The following CUBN variants were observed in gnomAD, a reference collection of about 807,000 sequenced individuals.
CUBN encodes the protein 460 kDa receptor.
Under a neutral mutation model 405.3 loss-of-function variants are expected in CUBN, and 282 were observed. The observed-to-expected ratio is 0.70, with a 90% CI of 0.63 to 0.77. The LOEUF (loss-of-function observed/expected upper bound fraction) is 0.77, where lower values mean the gene tolerates loss of function less well. CUBN is among the 30% of genes least tolerant of loss of function. The probability of loss-of-function intolerance (pLI) is 0.00; values close to 1 mark genes in which losing one functional copy is unlikely to be tolerated. For missense variants in CUBN, 4,514 were observed against 4,475.2 expected (o/e 1.01, Z -0.25); for synonymous variants, 1,684 against 1,617.0 (o/e 1.04, Z -0.99).
chr10:16,903,412 G>A lies in CUBN; in HGVS notation c.8062+554C>T, dbSNP rs558790530. Among the ~76,000 whole-genome samples, 59 of 151,988 alleles carry A rather than the reference G, an allele frequency of 3.9e-4. 6 individuals are homozygous for A. The South Asian group carries it at 7.3e-3, about 19-fold the overall frequency. On this transcript the variant is annotated intron_variant, in intron 51 of 66. Coordinates refer to ENST00000377833, the MANE Select transcript of CUBN (RefSeq NM_001081.4). Reference sequence around the variant, plus strand: ...TCCTTCTGTTCAATATTCGATGGTGGCCCTAGCTAGCAAAAGGATGCAAGA... The same window carrying A: ...TCCTTCTGTTCAATATTCGATGGTGACCCTAGCTAGCAAAAGGATGCAAGA...
intron 27 of CUBN, among the ~76,000 whole-genome samples, chr10:17,025,480 G>A (rs528788694): frequency 2.2e-4 from 34 of 152,118 alleles, no homozygotes; most frequent in Non-Finnish European, 3.7e-4. Context: ...CACCATAATG[G>A]TACTTATCTC....
chr10:16,842,992 T>G (rs1839399550), intron 60 of CUBN, among the ~76,000 whole-genome samples: 1 of 152,228 alleles, frequency 6.6e-6, no homozygotes, highest in African/African-American at 2.4e-5. Context: ...CCAATGCTAT[T>G]GAATGTTGCC....
rs140117869 is a variant in CUBN, at chr10:16,925,682, C to T, written c.6364G>A (p.Val2122Ile). Residue 2122 changes from valine (V) to isoleucine (I), a missense_variant, in exon 42 of 67, where the codon GTC becomes ATC. Physicochemically the swap from Val to Ile is conservative, Grantham distance 29. Transcript: ENST00000377833. Reference sequence around the variant, plus strand: ...ATGGTCAGGCCACTTTGGACCAGGACGTGCCAAGAACAGTTGAGGTTGGAT... The same window carrying T: ...ATGGTCAGGCCACTTTGGACCAGGATGTGCCAAGAACAGTTGAGGTTGGAT... ...YPSNLNCSWHVLVQSGLTIAV... is the reference protein window; with the variant it reads ...YPSNLNCSWHILVQSGLTIAV... 141 of 1,614,006 alleles carry T rather than the reference C, an allele frequency of 8.7e-5. 1 individual carries two copies. In the African/African-American group the frequency reaches 9.9e-4, roughly 11 times the overall value.
chr10:17,090,017 G>C (rs937627402), intron 14 of CUBN, among the ~76,000 whole-genome samples: 3 of 152,172 alleles, frequency 2.0e-5, no homozygotes, highest in African/African-American at 7.2e-5. Flanking sequence ...TGGGGAGACT[G>C]AGGAAGGAGG....
At chr10:17,109,497 G>A (rs889199612) in intron 10 of CUBN, 143 bp downstream of exon 10, 5 of 708,124 alleles carry the variant, frequency 7.1e-6, no homozygotes, top group Non-Finnish European at 1.3e-5. Context: ...AGCCAAATGT[G>A]TAGTTTTATG....
chr10:17,029,949 A>G (rs1429014551), intron 27 of CUBN, among the ~76,000 whole-genome samples: 3 of 152,224 alleles, frequency 2.0e-5, no homozygotes, highest in Non-Finnish European at 4.4e-5. Flanking sequence ...CCACAGATTT[A>G]TTTACCACAA....
intron 59 of CUBN, among the ~76,000 whole-genome samples, chr10:16,868,196 G>T (rs192307390): frequency 3.3e-5 from 5 of 152,310 alleles, no homozygotes; most frequent in African/African-American, 9.6e-5. Context: ...CAGCTAAGTA[G>T]GGGAGGTGGC....
In CUBN at chr10:16,941,422, G is replaced by A. The variant is rs115218108; in HGVS notation, c.5343-1185C>T. ...ACATAAAGATCCTAGAAGAAAACAC[G>A]GAGAAAAATCTTTGTGACCTTGGGA... is the stretch of plus-strand genomic sequence containing the variant. On this transcript the variant is annotated intron_variant, in intron 36 of 66. Transcript: ENST00000377833. Among the ~76,000 whole-genome samples, 646 of 152,172 alleles carry A rather than the reference G, an allele frequency of 4.2e-3. 7 individuals are homozygous for A. The highest frequency in any genetic ancestry group is 0.015 in the African/African-American group (623 of 41,532).
At chr10:17,035,966 G>T (rs890007646) in intron 27 of CUBN, among the ~76,000 whole-genome samples, 3 of 151,822 alleles carry the variant, frequency 2.0e-5, no homozygotes, top group African/African-American at 7.3e-5. Context: ...AATAAGTTCA[G>T]GGTATGTGTA....
chr10:17,002,399 T>A (rs1394283058), intron 28 of CUBN, among the ~76,000 whole-genome samples: 1 of 152,194 alleles, frequency 6.6e-6, no homozygotes, highest in East Asian at 1.9e-4. Context: ...TCTCAAGGAC[T>A]GTTATTACAA....
intron 17 of CUBN, among the ~76,000 whole-genome samples, chr10:17,073,248 C>T (rs887666593): frequency 2.0e-5 from 3 of 151,954 alleles, no homozygotes; most frequent in Admixed American, 2.0e-4. Flanking sequence ...TATACCAGAT[C>T]AAATATGGGA....
intron 62 of CUBN, among the ~76,000 whole-genome samples, chr10:16,839,247 T>G (rs1839267897): frequency 6.6e-6 from 1 of 152,156 alleles, no homozygotes; most frequent in Non-Finnish European, 1.5e-5. Flanking sequence ...CTTAGGCACA[T>G]GAAGCTTTGA....
chr10:17,111,144 T>G (rs1836763553), intron 8 of CUBN, 94 bp from the exon 9 acceptor site: 1 of 1,348,898 alleles, frequency 7.4e-7, no homozygotes. Flanking sequence ...CTTCTCCACC[T>G]AAGGAACTAT....
chr10:17,035,598 G>A (rs1834877938), intron 27 of CUBN, among the ~76,000 whole-genome samples: 1 of 152,194 alleles, frequency 6.6e-6, no homozygotes, highest in Admixed American at 6.5e-5. Flanking sequence ...AGCTGATTTT[G>A]TAATCTTGGT....
At chr10:16,840,189 A>T (rs1440921839) in intron 62 of CUBN, 141 bp downstream of exon 62, 2 of 709,896 alleles carry the variant, frequency 2.8e-6, no homozygotes, top group African/African-American at 1.8e-5. Context: ...AAACTTGCAC[A>T]TTGTGCGCAT....
intron 65 of CUBN, among the ~76,000 whole-genome samples, chr10:16,829,462 T>C (rs1489835248): frequency 6.6e-6 from 1 of 151,622 alleles, no homozygotes; most frequent in African/African-American, 2.4e-5. Flanking sequence ...GTGATGTGAG[T>C]GAAGTAAAAT....
At chr10:16,997,541 A>T (rs1217292109) in intron 28 of CUBN, among the ~76,000 whole-genome samples, 1 of 152,132 alleles carries the variant, frequency 6.6e-6, no homozygotes, top group African/African-American at 2.4e-5. Context: ...GGTAACTAAG[A>T]GCTCAGAATC....
intron 45 of CUBN, 101 bp from the exon 46 acceptor site, chr10:16,916,131 A>T (rs1588646854): frequency 1.7e-6 from 2 of 1,194,428 alleles, no homozygotes; most frequent in East Asian, 5.0e-5. Flanking sequence ...AGCACATTTG[A>T]AAACTTTTAG....
intron 31 of CUBN, among the ~76,000 whole-genome samples, chr10:16,956,621 T>G (rs1417547521): frequency 2.0e-5 from 3 of 152,048 alleles, no homozygotes; most frequent in Admixed American, 6.6e-5. Flanking sequence ...TGTCCTAAGG[T>G]TATAGATACA....
Sources: allele counts gnomAD v4.1 joint callset (sites outside exome capture counted in the v4.1 genomes callset), GRCh38; gene constraint gnomAD v4.1.1; transcripts MANE v1.5; gene names NCBI Gene and HGNC (gene_info 2026-07-23, HGNC 2026-07-21).